HTRA3: variants seen among roughly 807,000 people sequenced by gnomAD.
HTRA3 encodes HtrA serine peptidase 3, also known as serine protease HTRA3.
A neutral mutation model predicts 43.2 loss-of-function variants in HTRA3; 41 were observed. The observed-to-expected ratio is 0.95, with a 90% CI of 0.74 to 1.23. The LOEUF (loss-of-function observed/expected upper bound fraction) is 1.23, where lower values mean the gene tolerates loss of function less well. Among genes scored for constraint, HTRA3 ranks in the 50% most tolerant of loss-of-function variants. HTRA3 has a pLI of 0.00. For synonymous variants in HTRA3, 295 were observed against 287.9 expected (o/e 1.02, Z -0.25); for missense variants, 628 against 647.1 (o/e 0.97, Z 0.32).
chr4:8,282,623 T>C, intron 2 of HTRA3, 87 bp downstream of exon 2: 2 of 1,036,020 alleles, frequency 1.9e-6, no homozygotes, highest in South Asian at 2.7e-5. Context: ...GGCTTGATTC[T>C]GCAGCCTGGG....
chr4:8,279,438 G>A lies in HTRA3; in HGVS notation c.386-2999G>A, dbSNP rs111267303. On this transcript the variant is annotated intron_variant, in intron 1 of 8. Transcript: ENST00000307358. The surrounding 1 kb of genome is among the most constrained non-coding windows in gnomAD (Gnocchi z 7.4). ...ACCACACTGGGGAGAAAGTCCTTCC[G>A]GTGGAGGCCGCAGTGCTGTGCAGAT... Among the ~76,000 whole-genome samples, 6,641 of 152,218 alleles carry A rather than the reference G, an allele frequency of 0.044. 211 individuals are homozygous for A. The highest frequency in any genetic ancestry group is 0.071 in the Non-Finnish European group (4,852 of 67,986).
At position 8,304,192 on chromosome 4, in the gene HTRA3, A is replaced by G. The variant is rs945466773; in HGVS notation, c.1109A>G (p.Asp370Gly). The change falls in exon 8 of 9, where the codon GAT becomes GGT. Residue 370 changes from aspartate to glycine, a missense_variant. Asp to Gly is a moderately conservative substitution (Grantham distance 94). Coordinates refer to ENST00000307358, the MANE Select transcript of HTRA3 (RefSeq NM_053044.5). ...RMRTITPSLV[D>G]ELKASNPDFP... ...CGGCAGACTCTTTCCAGCCTGGTGGATGAGCTGAAGGCCAGCAACCCGGAC... is the reference window on the plus strand; with the variant it reads ...CGGCAGACTCTTTCCAGCCTGGTGGGTGAGCTGAAGGCCAGCAACCCGGAC... 3.7e-6 allele frequency: 6 copies of G among 1,614,068 alleles called. No homozygotes were observed. Among genetic ancestry groups the G allele is most frequent in the Middle Eastern group, 1.6e-4 (1 of 6,062 alleles).
chr4:8,274,300 C>T (rs563561594), intron 1 of HTRA3, among the ~76,000 whole-genome samples: 79 of 152,334 alleles, frequency 5.2e-4, no homozygotes, highest in Admixed American at 1.4e-3. Context: ...TGCCTTCACC[C>T]GGATGTCCCA....
intron 6 of HTRA3, among the ~76,000 whole-genome samples, chr4:8,301,698 A>T (rs1007360839): frequency 1.3e-5 from 2 of 152,182 alleles, no homozygotes; most frequent in African/African-American, 2.4e-5. Flanking sequence ...CTACCTCTAC[A>T]ACCTACAAAT....
At chr4:8,305,454 G>A (rs1713805647) in intron 8 of HTRA3, among the ~76,000 whole-genome samples, 1 of 152,256 alleles carries the variant, frequency 6.6e-6, no homozygotes, top group Non-Finnish European at 1.5e-5. Flanking sequence ...TCACACAGCT[G>A]GCATGTGAGG....
At chr4:8,304,938 C>T (rs1040923316) in intron 8 of HTRA3, among the ~76,000 whole-genome samples, 1 of 152,106 alleles carries the variant, frequency 6.6e-6, no homozygotes, top group African/African-American at 2.4e-5. Flanking sequence ...GGATTTCTAC[C>T]CCCAGGAGAC....
Position 8,295,964 on chromosome 4 carries a change from T to C in HTRA3, c.1051+1763T>C. ...GGGGACCATCTAATCTCTTGAGCCC[T>C]TTTCCTGTTGGCTTCTAGGAAGCTC... On this transcript the variant is annotated intron_variant, in intron 6 of 8. Coordinates refer to ENST00000307358, the MANE Select transcript of HTRA3 (RefSeq NM_053044.5). This position sits in a 1 kb window ranked among gnomAD's most constrained non-coding sequence, Gnocchi z 6.9. 1 of 1,206,190 alleles carries C rather than the reference T, an allele frequency of 8.3e-7. No individual in the cohort carries two copies. Among genetic ancestry groups the C allele is most frequent in the Non-Finnish European group, 1.0e-6 (1 of 970,898 alleles). The allele number at this position is 1,206,190 out of a possible 1,614,324, so 74.7% of individuals were successfully genotyped here.
intron 7 of HTRA3, among the ~76,000 whole-genome samples, chr4:8,302,908 C>T (rs1459662615): frequency 2.6e-5 from 4 of 152,226 alleles, no homozygotes; most frequent in Admixed American, 2.6e-4. Flanking sequence ...TGGCTCCAGG[C>T]ATCCTTGGCT....
chr4:8,305,468 C>T (rs1713806262), intron 8 of HTRA3, among the ~76,000 whole-genome samples: 1 of 152,266 alleles, frequency 6.6e-6, no homozygotes, highest in Non-Finnish European at 1.5e-5. Flanking sequence ...TGTGAGGGTC[C>T]TGATGCTGGT....
At chr4:8,277,009 C>T (rs1405416639) in intron 1 of HTRA3, among the ~76,000 whole-genome samples, 1 of 152,240 alleles carries the variant, frequency 6.6e-6, no homozygotes, top group Admixed American at 6.5e-5. Context: ...TCGGGTCCCG[C>T]CTGCGAGGTG....
chr4:8,270,443 T>G (rs1302995123), intron 1 of HTRA3, 90 bp downstream of exon 1: 2 of 1,314,764 alleles, frequency 1.5e-6, no homozygotes, highest in Non-Finnish European at 2.0e-6. Context: ...AGGTCGCCCT[T>G]CCCTGGGCAC....
intron 8 of HTRA3, among the ~76,000 whole-genome samples, chr4:8,305,218 A>C (rs1256619378): frequency 6.6e-6 from 1 of 152,252 alleles, no homozygotes; most frequent in Non-Finnish European, 1.5e-5. Context: ...GTGCATCCTC[A>C]GAGGCTGGGC....
intron 1 of HTRA3, among the ~76,000 whole-genome samples, chr4:8,274,513 G>A (rs1484694265): frequency 6.6e-6 from 1 of 152,246 alleles, no homozygotes; most frequent in African/African-American, 2.4e-5. Context: ...GACACGAAAT[G>A]AGACGAGGGC....
At chr4:8,285,134 G>A (rs1712904301) in intron 2 of HTRA3, among the ~76,000 whole-genome samples, 3 of 152,092 alleles carry the variant, frequency 2.0e-5, no homozygotes, top group South Asian at 4.1e-4. Context: ...CTGTGAGACT[G>A]GACTTCCCTC....
intron 1 of HTRA3, among the ~76,000 whole-genome samples, chr4:8,273,454 C>A (rs1451656345): frequency 1.3e-5 from 2 of 152,126 alleles, no homozygotes; most frequent in Non-Finnish European, 2.9e-5. Flanking sequence ...CTCCCCTCCC[C>A]ATGTCAGCTC....
At chr4:8,270,439 C>A in intron 1 of HTRA3, 86 bp downstream of exon 1, 3 of 1,332,334 alleles carry the variant, frequency 2.3e-6, no homozygotes, top group Non-Finnish European at 2.9e-6. Flanking sequence ...CTCGAGGTCG[C>A]CCTTCCCTGG....
chr4:8,306,105 T>A lies in HTRA3; in HGVS notation c.1331T>A (p.Leu444His). The change falls in exon 9 of 9, where the codon CTC (leucine) becomes CAC (histidine). Residue 444 changes from leucine (L) to histidine (H), a missense_variant. Transcript: ENST00000307358. This position sits in a 1 kb window ranked among gnomAD's most constrained non-coding sequence, Gnocchi z 8.9. ...GTGCGGCGGGGGAACGACGACCTCCTCTTCAGCATCGCACCTGAGGTGGTC... is the reference window on the plus strand; with the variant it reads ...GTGCGGCGGGGGAACGACGACCTCCACTTCAGCATCGCACCTGAGGTGGTC... The part of the protein sequence containing the change: ...LEVRRGNDDL[L>H]FSIAPEVVM 1 of 1,602,904 alleles carries A rather than the reference T, an allele frequency of 6.2e-7. No individual in the cohort carries two copies. Among genetic ancestry groups the A allele is most frequent in the Non-Finnish European group, 8.5e-7 (1 of 1,173,054 alleles).
At position 8,292,503 on chromosome 4, in the gene HTRA3, G is replaced by A. The variant is rs1025182980; in HGVS notation, c.936+150G>A. On this transcript the variant is annotated intron_variant, in intron 5 of 8. Transcript: ENST00000307358. Reference sequence around the variant, plus strand: ...GTGCAGCTGGGCCGGAGGCCTGGAAGGAGGAAAGACCAAGGCTGCCCCAAG... The same window carrying A: ...GTGCAGCTGGGCCGGAGGCCTGGAAAGAGGAAAGACCAAGGCTGCCCCAAG... 8 of 708,486 alleles carry A rather than the reference G, an allele frequency of 1.1e-5. No individual in the cohort carries two copies. In the African/African-American group the frequency reaches 1.3e-4, roughly 11 times the overall value. The allele number at this position is 708,486 out of a possible 1,614,324, so 43.9% of individuals were successfully genotyped here. A position where few individuals can be genotyped will look rare whatever the true frequency, so the allele number is the denominator to read the frequency against.
chr4:8,273,588 G>A (rs115702680), intron 1 of HTRA3, among the ~76,000 whole-genome samples: 6,774 of 145,452 alleles, frequency 0.047, 372 homozygotes, highest in African/African-American at 0.14. Context: ...CTGGGACTTC[G>A]GGCCCTATCT....
Sources: gnomAD v4.1 joint callset for allele counts (sites outside exome capture counted in the v4.1 genomes callset) on GRCh38, gnomAD v4.1.1 for gene constraint, Gnocchi (gnomAD v3.1) non-coding constraint, MANE v1.5 for transcripts, NCBI Gene and HGNC (gene_info 2026-07-23, HGNC 2026-07-21) for gene names.